Variants in GRID2 observed in about 807,000 individuals in gnomAD.
The protein encoded by GRID2 is glutamate ionotropic receptor delta type subunit 2.
Under a neutral mutation model 114.8 loss-of-function variants are expected in GRID2, and 33 were observed. That is an observed-to-expected ratio of 0.29 (90% CI 0.22 to 0.38). GRID2 has a LOEUF of 0.38. GRID2 is among the 10% of genes least tolerant of loss of function. The pLI is 1.00. For missense variants in GRID2, 1,184 were observed against 1,257.7 expected (o/e 0.94, Z 0.89); for synonymous variants, 505 against 449.9 (o/e 1.12, Z -1.55).
intron 2 of GRID2, among the ~76,000 whole-genome samples, chr4:93,037,616 A>G (rs1725047329): frequency 6.6e-6 from 1 of 152,142 alleles, no homozygotes; most frequent in African/African-American, 2.4e-5. Context: ...TAATTTTTGT[A>G]TAAAGTGTAA....
chr4:92,927,744 T>C (rs1749922433), intron 2 of GRID2, among the ~76,000 whole-genome samples: 1 of 151,792 alleles, frequency 6.6e-6, no homozygotes, highest in South Asian at 2.1e-4. Context: ...AATAAGGTTT[T>C]AATGTTGCAG....
At chr4:92,388,753 A>T (rs1017835968) in intron 1 of GRID2, among the ~76,000 whole-genome samples, 5 of 152,026 alleles carry the variant, frequency 3.3e-5, no homozygotes, top group Admixed American at 2.6e-4. Flanking sequence ...GTGTTTGTGT[A>T]TATATATGAA....
chr4:93,347,709 T>G (rs1377985257), intron 8 of GRID2, among the ~76,000 whole-genome samples: 2 of 152,198 alleles, frequency 1.3e-5, no homozygotes, highest in Non-Finnish European at 2.9e-5. Context: ...AATTACTATT[T>G]GTTATCTCAT....
chr4:93,511,917 G>A (rs1388830467), intron 12 of GRID2, among the ~76,000 whole-genome samples: 1 of 151,820 alleles, frequency 6.6e-6, no homozygotes, highest in African/African-American at 2.4e-5. Flanking sequence ...GAGTATCTGG[G>A]ATTACAGGTG....
chr4:92,801,278 T>G (rs968167957), intron 2 of GRID2, among the ~76,000 whole-genome samples: 2 of 152,018 alleles, frequency 1.3e-5, no homozygotes, highest in Non-Finnish European at 2.9e-5. Context: ...CTGTGTAGTG[T>G]GTCTTGTCTT....
At chr4:92,667,704 A>T (rs78058070) in intron 2 of GRID2, among the ~76,000 whole-genome samples, 9,690 of 151,444 alleles carry the variant, frequency 0.064, 353 homozygotes, top group East Asian at 0.16. Context: ...CTAGAAAATT[A>T]AAAAAAATAC....
At chr4:92,955,742 G>A (rs1752357382) in intron 2 of GRID2, among the ~76,000 whole-genome samples, 1 of 151,980 alleles carries the variant, frequency 6.6e-6, no homozygotes, top group African/African-American at 2.4e-5. Context: ...GGGTTTTTAT[G>A]GTTTTAGGTC....
chr4:92,925,823 G>A (rs1249428691), intron 2 of GRID2, among the ~76,000 whole-genome samples: 4 of 151,916 alleles, frequency 2.6e-5, no homozygotes, highest in African/African-American at 9.7e-5. Context: ...ACATCATTAA[G>A]CCTTTTTATT....
intron 4 of GRID2, among the ~76,000 whole-genome samples, chr4:93,189,816 A>AC (rs1740807702): frequency 7.5e-6 from 1 of 133,742 alleles, no homozygotes; most frequent in African/African-American, 2.9e-5. Context: ...CACACACACA[A>AC]ATCTCATCTT....
chr4:93,434,071 C>A (rs1720835324), intron 10 of GRID2, among the ~76,000 whole-genome samples: 1 of 152,154 alleles, frequency 6.6e-6, no homozygotes, highest in Admixed American at 6.5e-5. Context: ...CTCTGAGTCA[C>A]AATGTCCACA....
chr4:93,407,557 T>C (rs1169637100), intron 9 of GRID2, among the ~76,000 whole-genome samples: 1 of 152,214 alleles, frequency 6.6e-6, no homozygotes, highest in East Asian at 1.9e-4. Context: ...AAAAAGTCCA[T>C]AATGCTTGAA....
chr4:93,123,067 C>T (rs1446519839), intron 4 of GRID2, among the ~76,000 whole-genome samples: 1 of 151,978 alleles, frequency 6.6e-6, no homozygotes, highest in African/African-American at 2.4e-5. Context: ...AACATGGAAA[C>T]TAAGCAAAGA....
In GRID2 at chr4:92,613,995, T is replaced by C. The variant is rs565235780; in HGVS notation, c.244+23709T>C. ...ATATATAGTGATTATATCAGGGTTA[T>C]TATCATATCCATCACTTCAAACAGT... is the stretch of plus-strand genomic sequence containing the variant. On this transcript the variant is annotated intron_variant, in intron 2 of 15. Transcript: ENST00000282020. 2.6e-5 allele frequency among the ~76,000 whole-genome samples: 4 copies of C among 151,600 alleles called. No individual in the cohort carries two copies. The Admixed American group carries it at 2.6e-4, about 10-fold the overall frequency.
intron 14 of GRID2, among the ~76,000 whole-genome samples, chr4:93,747,179 G>T (rs533406728): frequency 6.6e-6 from 1 of 152,056 alleles, no homozygotes; most frequent in African/African-American, 2.4e-5. Context: ...TTATCTGGAG[G>T]TTTTAAAACA....
In GRID2 at chr4:93,769,398, T is replaced by C; in HGVS notation, c.2549T>C (p.Met850Thr). 1.9e-6 allele frequency: 3 copies of C among 1,613,708 alleles called. No homozygotes were observed. The highest frequency in any genetic ancestry group is 1.1e-5 in the South Asian group (1 of 91,076). ...ATTGTCCTCTCCTGCTTCATAGCCA[T>C]GCTGGAGACGTGGTGGAACAAGAGG... ...AGIVLSCFIA[M>T]LETWWNKRKG... Residue 850 changes from methionine to threonine, a missense_variant, in exon 15 of 16, where the codon ATG (methionine) becomes ACG (threonine). This residue lies in a region of GRID2 where 717 missense variants were observed against 796.9 expected (regional missense o/e 0.90). Transcript: ENST00000282020.
intron 1 of GRID2, among the ~76,000 whole-genome samples, chr4:92,460,055 C>CGTATATATATATATATATAT (rs1553937299): frequency 2.7e-5 from 1 of 37,456 alleles, no homozygotes; most frequent in Admixed American, 3.6e-4. Flanking sequence ...TATATATATA[C>CGTATATATATATATATATAT]ACACACAACT....
At chr4:93,762,554 C>T (rs1235283850) in intron 14 of GRID2, among the ~76,000 whole-genome samples, 2 of 152,036 alleles carry the variant, frequency 1.3e-5, no homozygotes, top group African/African-American at 4.8e-5. Context: ...GGAAAGGAAG[C>T]CTTACTTCTT....
chr4:93,126,857 A>T (rs914933364), intron 4 of GRID2, among the ~76,000 whole-genome samples: 4 of 151,976 alleles, frequency 2.6e-5, no homozygotes, highest in Non-Finnish European at 5.9e-5. Flanking sequence ...TCGGCCTCCC[A>T]AAGTGCTGGG....
chr4:93,687,290 A>G lies in GRID2; in HGVS notation c.2360+60855A>G, dbSNP rs544601283. Among the ~76,000 whole-genome samples, 10 of 152,108 alleles carry G rather than the reference A, an allele frequency of 6.6e-5. No homozygotes were observed. In the East Asian group the frequency reaches 1.9e-3, roughly 29 times the overall value. On this transcript the variant is annotated intron_variant, in intron 14 of 15. Transcript: ENST00000282020. ...AGGTTGCAATGGGGGTGGAAGGGAA[A>G]TTATTGGTAGTTCAGTTTGGGGCAT...
Sources: gnomAD v4.1 joint callset for allele counts (sites outside exome capture counted in the v4.1 genomes callset) on GRCh38, gnomAD v4.1.1 for gene constraint, gnomAD v4.1.1 regional missense constraint, MANE v1.5 for transcripts, NCBI Gene and HGNC (gene_info 2026-07-23, HGNC 2026-07-21) for gene names.